Variants in NAV3 observed in about 807,000 individuals in gnomAD.
NAV3 encodes pore membrane and/or filament interacting like protein 1.
In NAV3, 87 loss-of-function variants were observed where a neutral mutation model predicts 244.7. The observed-to-expected ratio is 0.36, with a 90% CI of 0.30 to 0.42. NAV3 has a LOEUF of 0.42. NAV3 is among the 20% of genes least tolerant of loss of function. NAV3 has a pLI of 1.00. For missense variants in NAV3, 2,663 were observed against 2,893.3 expected, an observed-to-expected ratio of 0.92 and a Z score of 1.83; for synonymous variants, 1,126 against 1,042.2, an observed-to-expected ratio of 1.08 and a Z score of -1.55.
intron 12 of NAV3, among the ~76,000 whole-genome samples, chr12:78,100,551 A>C (rs909653730): frequency 6.6e-6 from 1 of 151,972 alleles, no homozygotes; most frequent in Non-Finnish European, 1.5e-5. Flanking sequence ...GTGTCACAAT[A>C]CTTCATTAAG....
chr12:77,746,281 G>A (rs757992576), intron 2 of NAV3, among the ~76,000 whole-genome samples: 1 of 152,040 alleles, frequency 6.6e-6, no homozygotes, highest in Non-Finnish European at 1.5e-5. Context: ...TGTGAAAACA[G>A]CCTTAGACAA....
intron 12 of NAV3, among the ~76,000 whole-genome samples, chr12:78,096,335 T>C (rs2138123433): frequency 6.6e-6 from 1 of 152,256 alleles, no homozygotes; most frequent in South Asian, 2.1e-4. Flanking sequence ...GGCCCCTCTG[T>C]TTGTTCTCAC....
intron 1 of NAV3, among the ~76,000 whole-genome samples, chr12:77,832,966 C>G (rs763860833): frequency 1.3e-5 from 2 of 151,908 alleles, no homozygotes; most frequent in African/African-American, 2.4e-5. Context: ...AACCTTTATA[C>G]AAAAATCAAC....
chr12:78,026,534 T>C (rs1019117375), intron 9 of NAV3, among the ~76,000 whole-genome samples: 1 of 152,186 alleles, frequency 6.6e-6, no homozygotes, highest in African/African-American at 2.4e-5. Flanking sequence ...TTGTTTTCTA[T>C]TTGTACTCAG....
intron 2 of NAV3, among the ~76,000 whole-genome samples, chr12:77,622,894 A>T (rs1334199920): frequency 2.0e-5 from 3 of 152,190 alleles, no homozygotes; most frequent in Non-Finnish European, 4.4e-5. Context: ...CAGAGGTACC[A>T]ATTCTGTTGT....
At chr12:77,777,284 A>G (rs1870410704) in intron 2 of NAV3, among the ~76,000 whole-genome samples, 1 of 152,250 alleles carries the variant, frequency 6.6e-6, no homozygotes, top group African/African-American at 2.4e-5. Flanking sequence ...TATATACAAT[A>G]TAATGAAAGT....
chr12:77,589,231 G>A (rs1445237501), intron 2 of NAV3, among the ~76,000 whole-genome samples: 3 of 152,168 alleles, frequency 2.0e-5, no homozygotes, highest in Non-Finnish European at 4.4e-5. Context: ...TGTGGATTTT[G>A]TTCAGTGAGT....
At chr12:77,765,879 G>T (rs565202873) in intron 2 of NAV3, among the ~76,000 whole-genome samples, 12 of 151,972 alleles carry the variant, frequency 7.9e-5, no homozygotes, top group Admixed American at 7.9e-4. Context: ...AAAACAAGAA[G>T]AAAAAATATA....
At chr12:77,913,703 G>T (rs1886847392) in intron 1 of NAV3, among the ~76,000 whole-genome samples, 2 of 152,146 alleles carry the variant, frequency 1.3e-5, no homozygotes, top group South Asian at 4.1e-4. Context: ...TTGAGAGGCT[G>T]GAAGCAAAAT....
chr12:78,039,613 T>G (rs1880510151), intron 9 of NAV3, among the ~76,000 whole-genome samples: 1 of 152,088 alleles, frequency 6.6e-6, no homozygotes, highest in Admixed American at 6.6e-5. Flanking sequence ...GAGAATAAGA[T>G]TTATTCATAC....
intron 2 of NAV3, among the ~76,000 whole-genome samples, chr12:77,737,134 A>T (rs549196595): frequency 0.039 from 5,268 of 134,748 alleles, 318 homozygotes; most frequent in African/African-American, 0.16. Context: ...GAAACATTTA[A>T]AAAAAAAATC....
intron 11 of NAV3, among the ~76,000 whole-genome samples, chr12:78,054,311 T>G (rs1024172601): frequency 6.6e-6 from 1 of 152,168 alleles, no homozygotes; most frequent in African/African-American, 2.4e-5. Context: ...ATATTGATGA[T>G]TTTTCTCTTA....
chr12:77,714,566 A>G (rs1876276103), intron 2 of NAV3, among the ~76,000 whole-genome samples: 1 of 152,162 alleles, frequency 6.6e-6, no homozygotes, highest in African/African-American at 2.4e-5. Context: ...AGATTTCTGT[A>G]ATAGGACCTC....
In NAV3 at chr12:77,669,558, T is replaced by C. The variant is rs186286030; in HGVS notation, c.72+97292T>C. On this transcript the variant is annotated intron_variant, in intron 2 of 8. Transcript: ENST00000550042. ...ATGCAAGCAGGAATAGCTATTCTTA[T>C]ATCAGACAAAACAAACTTTAAAGGA... is the stretch of plus-strand genomic sequence containing the variant. Among the ~76,000 whole-genome samples the C allele has an allele frequency of 2.0e-3, 308 of 152,214 alleles. 2 individuals carry two copies. Among genetic ancestry groups the C allele is most frequent in the African/African-American group, 7.1e-3 (293 of 41,536 alleles).
At chr12:77,897,089 C>G (rs1592931438) in intron 1 of NAV3, among the ~76,000 whole-genome samples, 2 of 152,144 alleles carry the variant, frequency 1.3e-5, no homozygotes, top group Non-Finnish European at 2.9e-5. Context: ...TTTGAACAAG[C>G]CCACACATGA....
intron 1 of NAV3, among the ~76,000 whole-genome samples, chr12:77,890,276 T>G (rs1883778139): frequency 6.6e-6 from 1 of 151,954 alleles, no homozygotes; most frequent in Non-Finnish European, 1.5e-5. Flanking sequence ...TTTTTATTTT[T>G]ATTTATTTTT....
At chr12:77,765,104 A>G (rs1475552058) in intron 2 of NAV3, among the ~76,000 whole-genome samples, 1 of 152,216 alleles carries the variant, frequency 6.6e-6, no homozygotes, top group Non-Finnish European at 1.5e-5. Context: ...CTTCTCTACT[A>G]AAATCTTTTT....
intron 18 of NAV3, chr12:78,130,383 G>A (rs188714110): frequency 3.4e-4 from 75 of 221,962 alleles, no homozygotes; most frequent in African/African-American, 1.6e-3. Context: ...GCAGCTTCCA[G>A]AACAGAAAGT....
chr12:78,186,823 C>G (rs566000096), intron 31 of NAV3, among the ~76,000 whole-genome samples: 29 of 151,948 alleles, frequency 1.9e-4, no homozygotes, highest in African/African-American at 6.5e-4. Flanking sequence ...GATCAAGGTG[C>G]TAGCTGATTT....
Sources: gnomAD v4.1 joint callset for allele counts (sites outside exome capture counted in the v4.1 genomes callset) on GRCh38, gnomAD v4.1.1 for gene constraint, MANE v1.5 for transcripts, NCBI Gene and HGNC (gene_info 2026-07-23, HGNC 2026-07-21) for gene names.